The following GTF2F2 variants were observed in gnomAD, a reference collection of about 807,000 sequenced individuals.
GTF2F2 encodes the protein general transcription factor IIF subunit 2.
Under a neutral mutation model 42.2 loss-of-function variants are expected in GTF2F2, and 23 were observed. The observed-to-expected ratio is 0.55, with a 90% CI of 0.39 to 0.77. The LOEUF is 0.77. Among genes scored for constraint, GTF2F2 ranks in the 30% least tolerant of loss-of-function variants. The pLI, the probability that GTF2F2 is intolerant of heterozygous loss-of-function variation, is 0.00. For synonymous variants in GTF2F2, 105 were observed against 100.8 expected (o/e 1.04, Z -0.25); for missense variants, 261 against 287.2 (o/e 0.91, Z 0.66).
At chr13:45,156,714 C>T (rs1870773868) in intron 4 of GTF2F2, among the ~76,000 whole-genome samples, 1 of 151,958 alleles carries the variant, frequency 6.6e-6, no homozygotes, top group Non-Finnish European at 1.5e-5. Flanking sequence ...GGTTTCCGTG[C>T]TTTTTTTGGC....
intron 5 of GTF2F2, among the ~76,000 whole-genome samples, chr13:45,244,164 G>A (rs1459379254): frequency 1.3e-5 from 2 of 152,138 alleles, no homozygotes; most frequent in African/African-American, 4.8e-5. Flanking sequence ...TTCTGTGTGT[G>A]TATAGAATTG....
intron 2 of GTF2F2, among the ~76,000 whole-genome samples, chr13:45,143,111 A>C (rs539227475): frequency 6.6e-6 from 1 of 152,222 alleles, no homozygotes; most frequent in Admixed American, 6.5e-5. Context: ...AAAAAAATTA[A>C]TGTCTTATAA....
At chr13:45,150,647 GAAAA>G (rs370971827) in intron 3 of GTF2F2, among the ~76,000 whole-genome samples, 3 of 130,406 alleles carry the variant, frequency 2.3e-5, no homozygotes, top group South Asian at 4.7e-4. Context: ...AGATTTTAGG[GAAAA>G]AAAAAAAATC....
intron 5 of GTF2F2, among the ~76,000 whole-genome samples, chr13:45,246,615 A>AC (rs1875633453): frequency 6.6e-6 from 1 of 152,256 alleles, no homozygotes; most frequent in Non-Finnish European, 1.5e-5. Context: ...TTTTTAAAAC[A>AC]CAAATTTAAT....
At chr13:45,124,467 C>T (rs1416254986) in intron 1 of GTF2F2, among the ~76,000 whole-genome samples, 4 of 151,216 alleles carry the variant, frequency 2.6e-5, no homozygotes, top group South Asian at 4.2e-4. Flanking sequence ...GAGGCCGAGG[C>T]GGGTGGATCA....
At chr13:45,208,523 A>C (rs1295842547) in intron 5 of GTF2F2, among the ~76,000 whole-genome samples, 1 of 152,244 alleles carries the variant, frequency 6.6e-6, no homozygotes, top group Non-Finnish European at 1.5e-5. Context: ...TAAACAAAGC[A>C]GGCAAAAATC....
In GTF2F2 at chr13:45,120,561, G is replaced by T. The variant is rs912149332; in HGVS notation, c.-95G>T. 2.3e-6 allele frequency: 2 copies of T among 854,864 alleles called. No individual in the cohort carries two copies. Among genetic ancestry groups the T allele is most frequent in the Admixed American group, 2.3e-5 (1 of 44,374 alleles). 53.0% of individuals were successfully genotyped at this position (854,864 alleles called of 1,614,324 possible). On this transcript the variant is annotated 5_prime_UTR_variant, in exon 1 of 8. Transcript: ENST00000340473. ...AGGAACGCCGGCTCTTCGCCTCTCA[G>T]CGCGGCTTGTCCTTTGTTCCGGACG...
intron 4 of GTF2F2, among the ~76,000 whole-genome samples, chr13:45,185,978 G>T (rs1000226000): frequency 2.7e-5 from 4 of 147,882 alleles, no homozygotes; most frequent in Middle Eastern, 3.5e-3. Context: ...TTTTAACATG[G>T]TTTTTTTTTT....
chr13:45,180,006 C>CT (rs1383724517), intron 4 of GTF2F2, among the ~76,000 whole-genome samples: 4 of 151,996 alleles, frequency 2.6e-5, no homozygotes, highest in Non-Finnish European at 5.9e-5. Flanking sequence ...ATTATATTAT[C>CT]TTTTTTAAAA....
intron 4 of GTF2F2, among the ~76,000 whole-genome samples, chr13:45,180,062 GA>G (rs1872075959): frequency 6.6e-6 from 1 of 151,876 alleles, no homozygotes; most frequent in Non-Finnish European, 1.5e-5. Flanking sequence ...TCTCTGTTAC[GA>G]AAATTTTGAA....
intron 2 of GTF2F2, among the ~76,000 whole-genome samples, chr13:45,139,869 G>C (rs749764478): frequency 1.3e-5 from 2 of 152,122 alleles, no homozygotes; most frequent in East Asian, 3.8e-4. Context: ...GGAGATTGGT[G>C]TCTGGCATGC....
intron 4 of GTF2F2, among the ~76,000 whole-genome samples, chr13:45,160,060 A>G (rs1196065837): frequency 1.3e-5 from 2 of 152,192 alleles, no homozygotes; most frequent in Non-Finnish European, 2.9e-5. Context: ...TAATTTAATT[A>G]CTGTTGTCAC....
At chr13:45,176,944 C>T (rs572534563) in intron 4 of GTF2F2, among the ~76,000 whole-genome samples, 12 of 152,050 alleles carry the variant, frequency 7.9e-5, no homozygotes, top group Admixed American at 2.6e-4. Flanking sequence ...CGCCACCATG[C>T]GTAGCTAATT....
chr13:45,134,720 T>A (rs141640968), intron 1 of GTF2F2, among the ~76,000 whole-genome samples: 136 of 152,290 alleles, frequency 8.9e-4, no homozygotes, highest in African/African-American at 3.1e-3. Flanking sequence ...ATACTCTTCT[T>A]TAGCATGTAT....
chr13:45,242,256 C>CTTTTTTT (rs71184405), intron 5 of GTF2F2, among the ~76,000 whole-genome samples: 1 of 105,676 alleles, frequency 9.5e-6, no homozygotes, highest in African/African-American at 3.7e-5. Context: ...GCTGGCACTT[C>CTTTTTTT]TTTTTTTTTT....
At chr13:45,154,099 G>A (rs929367172) in intron 4 of GTF2F2, among the ~76,000 whole-genome samples, 1 of 150,898 alleles carries the variant, frequency 6.6e-6, no homozygotes, top group African/African-American at 2.4e-5. Context: ...TTTTGTGATT[G>A]TCCCTGGAGT....
chr13:45,262,415 A>G (rs1036975209), intron 6 of GTF2F2, among the ~76,000 whole-genome samples: 1 of 152,170 alleles, frequency 6.6e-6, no homozygotes, highest in African/African-American at 2.4e-5. Flanking sequence ...TTTTTGTAGT[A>G]CAGTATTAGT....
intron 5 of GTF2F2, among the ~76,000 whole-genome samples, chr13:45,246,766 G>A (rs765258745): frequency 2.0e-5 from 3 of 151,652 alleles, no homozygotes; most frequent in Admixed American, 6.6e-5. Context: ...GGCTGGGCAC[G>A]GTGGCTCACG....
At chr13:45,240,782 C>T (rs939558953) in intron 5 of GTF2F2, among the ~76,000 whole-genome samples, 2 of 151,936 alleles carry the variant, frequency 1.3e-5, no homozygotes, top group South Asian at 2.1e-4. Context: ...GAGCTGAGAT[C>T]GCACCGTTGT....
Sources: gnomAD v4.1 joint callset for allele counts (sites outside exome capture counted in the v4.1 genomes callset) on GRCh38, gnomAD v4.1.1 for gene constraint, MANE v1.5 for transcripts, NCBI Gene and HGNC (gene_info 2026-07-23, HGNC 2026-07-21) for gene names.